Variants in STK32A observed in about 807,000 individuals in gnomAD.
The protein encoded by STK32A is serine/threonine-protein kinase 32A.
A neutral mutation model predicts 53.2 loss-of-function variants in STK32A; 41 were observed. The observed-to-expected ratio is 0.77, with a 90% CI of 0.60 to 1.00. The LOEUF is 1.00. STK32A is among the 50% of genes least tolerant of loss of function. The pLI is 0.00. For missense variants in STK32A, 458 were observed against 485.8 expected (o/e 0.94, Z 0.54); for synonymous variants, 166 against 162.8 (o/e 1.02, Z -0.15).
At chr5:147,250,757 C>G (rs1336706173) in intron 2 of STK32A, among the ~76,000 whole-genome samples, 3 of 151,344 alleles carry the variant, frequency 2.0e-5, no homozygotes, top group African/African-American at 7.3e-5. Context: ...CTGGCTAACA[C>G]TGTGAAACCC....
the STK32A span, chr5:147,399,328 A>G: frequency 2.7e-6 from 4 of 1,486,246 alleles, no homozygotes; most frequent in African/African-American, 1.4e-5. Context: ...ACTCAGAGAA[A>G]GACAACCCAC....
At chr5:147,237,560 G>C (rs973642781) in intron 1 of STK32A, among the ~76,000 whole-genome samples, 5 of 152,188 alleles carry the variant, frequency 3.3e-5, no homozygotes, top group Non-Finnish European at 7.4e-5. Context: ...AAATGGTTGA[G>C]TTCTATCTTC....
At chr5:147,345,916 G>A (rs1755662287) in intron 6 of STK32A, among the ~76,000 whole-genome samples, 1 of 152,148 alleles carries the variant, frequency 6.6e-6, no homozygotes. Flanking sequence ...ATTGCTTTGG[G>A]AAGGATTGTA....
chr5:147,292,565 T>C (rs1400320679), intron 4 of STK32A, among the ~76,000 whole-genome samples: 1 of 152,050 alleles, frequency 6.6e-6, no homozygotes, highest in Non-Finnish European at 1.5e-5. Context: ...ACAAAAAAAG[T>C]CATTAAAAAA....
At chr5:147,329,281 C>A (rs1432329560) in intron 5 of STK32A, among the ~76,000 whole-genome samples, 1 of 152,142 alleles carries the variant, frequency 6.6e-6, no homozygotes, top group African/African-American at 2.4e-5. Flanking sequence ...GAAATTATTT[C>A]TCACACATGA....
intron 4 of STK32A, among the ~76,000 whole-genome samples, chr5:147,304,676 A>G (rs886478676): frequency 1.3e-5 from 2 of 152,358 alleles, no homozygotes; most frequent in Middle Eastern, 3.4e-3. Context: ...GACAACAGTC[A>G]TGAAGCTAAT....
At chr5:147,347,370 G>C (rs1483902058) in intron 6 of STK32A, among the ~76,000 whole-genome samples, 1 of 151,698 alleles carries the variant, frequency 6.6e-6, no homozygotes, top group Non-Finnish European at 1.5e-5. Flanking sequence ...AAATTAGGAA[G>C]TTCTGAGGCT....
intron 2 of STK32A, among the ~76,000 whole-genome samples, chr5:147,257,113 G>C (rs1005155951): frequency 2.0e-5 from 3 of 152,206 alleles, no homozygotes; most frequent in Non-Finnish European, 2.9e-5. Flanking sequence ...CTGACAGCTG[G>C]GGGGAGGGCT....
At chr5:147,277,895 A>G (rs189164462) in intron 2 of STK32A, among the ~76,000 whole-genome samples, 25 of 152,284 alleles carry the variant, frequency 1.6e-4, no homozygotes, top group African/African-American at 5.1e-4. Flanking sequence ...CCATAAAGGC[A>G]GAGATTCTAT....
intron 2 of STK32A, among the ~76,000 whole-genome samples, chr5:147,254,603 G>T (rs1754143436): frequency 6.6e-6 from 1 of 152,160 alleles, no homozygotes; most frequent in Non-Finnish European, 1.5e-5. Flanking sequence ...AGGAGAAGGG[G>T]TTCTTATCCC....
chr5:147,314,892 G>A (rs1288837017), intron 4 of STK32A, among the ~76,000 whole-genome samples: 2 of 151,914 alleles, frequency 1.3e-5, no homozygotes, highest in Non-Finnish European at 2.9e-5. Context: ...CTGCAGGCAT[G>A]TGCCACCGCA....
At chr5:147,294,332 G>T (rs1264760761) in intron 4 of STK32A, among the ~76,000 whole-genome samples, 1 of 152,060 alleles carries the variant, frequency 6.6e-6, no homozygotes, top group African/African-American at 2.4e-5. Context: ...CATGATCTCG[G>T]CTCGCTGCAA....
intron 7 of STK32A, among the ~76,000 whole-genome samples, chr5:147,357,891 A>G (rs1756324428): frequency 6.6e-6 from 1 of 152,090 alleles, no homozygotes; most frequent in African/African-American, 2.4e-5. Context: ...AACTAAATAC[A>G]TTTTTGTGCT....
chr5:147,243,146 T>A (rs1380034585), intron 2 of STK32A, among the ~76,000 whole-genome samples: 3 of 54,522 alleles, frequency 5.5e-5, no homozygotes, highest in African/African-American at 1.3e-4. Flanking sequence ...AAAAGATTTT[T>A]AAAAATATTT....
At chr5:147,318,058 A>AG (rs1450402965) in intron 4 of STK32A, among the ~76,000 whole-genome samples, 1 of 152,192 alleles carries the variant, frequency 6.6e-6, no homozygotes, top group East Asian at 1.9e-4. Flanking sequence ...TTCAAAAAAA[A>AG]TTATGCAAAT....
intron 2 of STK32A, among the ~76,000 whole-genome samples, chr5:147,253,452 T>C (rs1754088144): frequency 6.6e-6 from 1 of 152,234 alleles, no homozygotes; most frequent in Non-Finnish European, 1.5e-5. Flanking sequence ...GTTGAATTGC[T>C]GTGGAGGTTT....
At chr5:147,304,189 G>C (rs1370545674) in intron 4 of STK32A, among the ~76,000 whole-genome samples, 2 of 152,166 alleles carry the variant, frequency 1.3e-5, no homozygotes, top group Non-Finnish European at 2.9e-5. Flanking sequence ...TTCTAACCTT[G>C]TGTCACCCAC....
chr5:147,343,258 T>C (rs766464185), intron 6 of STK32A: 1 of 736,642 alleles, frequency 1.4e-6, no homozygotes, highest in South Asian at 1.4e-5. Flanking sequence ...ATTTACCTAA[T>C]GAGAAAATCA....
intron 11 of STK32A, among the ~76,000 whole-genome samples, chr5:147,378,840 C>CTT (rs71001434): frequency 7.1e-5 from 2 of 28,102 alleles, no homozygotes; most frequent in African/African-American, 1.1e-4. Context: ...TGCCTCCAGT[C>CTT]TTTTTTTTTT....
Sources: allele counts gnomAD v4.1 joint callset (sites outside exome capture counted in the v4.1 genomes callset), GRCh38; gene constraint gnomAD v4.1.1; transcripts MANE v1.5; gene names NCBI Gene and HGNC (gene_info 2026-07-23, HGNC 2026-07-21).